The following LMO7 variants were observed in gnomAD, a reference collection of about 807,000 sequenced individuals.
The protein encoded by LMO7 is LIM domain 7.
A neutral mutation model predicts 206.5 loss-of-function variants in LMO7; 120 were observed. The ratio of observed to expected loss-of-function variants is 0.58; its 90% CI spans 0.50 to 0.68. The LOEUF is 0.68. LMO7 is among the 30% of genes least tolerant of loss of function. The pLI, the probability that LMO7 is intolerant of heterozygous loss-of-function variation, is 0.00. For missense variants in LMO7, 1,959 were observed against 1,957.9 expected, an observed-to-expected ratio of 1.00 and a Z score of -0.01; for synonymous variants, 706 against 681.5, an observed-to-expected ratio of 1.04 and a Z score of -0.56.
intron 1 of LMO7, among the ~76,000 whole-genome samples, chr13:75,639,024 T>C: frequency 6.6e-6 from 1 of 152,196 alleles, no homozygotes; most frequent in East Asian, 1.9e-4. Context: ...TAATATATGT[T>C]CTATCTGTAT....
Position 75,834,340 on chromosome 13 carries a change from A to G in LMO7, c.3179A>G (p.Gln1060Arg). ...TGGGAGGAAGCCATGGCTAAGGCTC[A>G]AGAAACTGGACACCTAGTGATGGAT... ...KEWEEAMAKA[Q>R]ETGHLVMDVR... The change falls in exon 17 of 31, where the codon CAA (glutamine) becomes CGA (arginine). Residue 1060 changes from glutamine (Q) to arginine (R), a missense_variant. Transcript: ENST00000377534. 1 of 1,610,368 alleles carries G rather than the reference A, an allele frequency of 6.2e-7. No homozygotes were observed. Among genetic ancestry groups the G allele is most frequent in the Non-Finnish European group, 8.5e-7 (1 of 1,178,264 alleles).
rs2054618489 is a variant in LMO7, at chr13:75,800,671, A to T, written c.463-13A>T. On this transcript the variant is annotated splice_polypyrimidine_tract_variant and intron_variant, in intron 6 of 30. Transcript: ENST00000377534. ...TATTTAACTTACTATTCTTTAAAAA[A>T]CGTTTTCTTTAGGCACTCGAAGACT... 3 of 1,611,922 alleles carry T rather than the reference A, an allele frequency of 1.9e-6. No homozygotes were observed. The highest frequency in any genetic ancestry group is 1.7e-5 in the Admixed American group (1 of 59,848).
At chr13:75,825,319 G>A (rs527290916) in intron 15 of LMO7, among the ~76,000 whole-genome samples, 1 of 152,102 alleles carries the variant, frequency 6.6e-6, no homozygotes, top group Non-Finnish European at 1.5e-5. Flanking sequence ...TTGCATGTTT[G>A]CCTTTACCTT....
At chr13:75,632,268 T>G (rs1209221623), upstream of LMO7, 1 of 152,200 alleles carries the variant, frequency 6.6e-6, no homozygotes, top group African/African-American at 2.4e-5. Context: ...TATTTGGGTC[T>G]TCTGAGTTGC....
At chr13:75,831,369 T>C (rs958636441) in intron 15 of LMO7, among the ~76,000 whole-genome samples, 2 of 152,186 alleles carry the variant, frequency 1.3e-5, no homozygotes, top group African/African-American at 2.4e-5. Flanking sequence ...GTCAAACAAT[T>C]GAATGAGTGA....
chr13:75,652,823 T>C (rs547120063), intron 1 of LMO7, among the ~76,000 whole-genome samples: 52 of 152,242 alleles, frequency 3.4e-4, no homozygotes, highest in African/African-American at 1.0e-3. Flanking sequence ...ATATAAATCA[T>C]AAATCCACAG....
intron 1 of LMO7, among the ~76,000 whole-genome samples, chr13:75,711,314 A>C (rs748906542): frequency 3.3e-5 from 5 of 152,200 alleles, no homozygotes; most frequent in Non-Finnish European, 5.9e-5. Flanking sequence ...CTGGCCTCAT[A>C]AAATGAGTTA....
At chr13:75,828,290 A>T (rs1313111451) in intron 15 of LMO7, among the ~76,000 whole-genome samples, 2 of 152,196 alleles carry the variant, frequency 1.3e-5, no homozygotes, top group Non-Finnish European at 2.9e-5. Context: ...CGTTTTTACC[A>T]ATGAAGTACT....
chr13:75,677,431 T>A (rs991931025), intron 1 of LMO7, among the ~76,000 whole-genome samples: 7 of 152,218 alleles, frequency 4.6e-5, no homozygotes, highest in Non-Finnish European at 8.8e-5. Context: ...GAGTACCTAC[T>A]GGCTAAAAAA....
Position 75,808,642 on chromosome 13 carries a change from G to A in LMO7, c.1916+443G>A, listed in dbSNP as rs2055883980. ...CAAATTTCATTTAACTTAATTTTTG[G>A]TTTTGGCCTAGGTTTCTTGGACTAT... On this transcript the variant is annotated intron_variant, in intron 10 of 30. Transcript: ENST00000377534. Among the ~76,000 whole-genome samples the A allele has an allele frequency of 2.6e-5, 4 of 152,110 alleles. No individual in the cohort carries two copies. In the South Asian group the frequency reaches 8.3e-4, roughly 32 times the overall value.
intron 15 of LMO7, among the ~76,000 whole-genome samples, chr13:75,829,956 G>C (rs183695301): frequency 1.0e-3 from 154 of 152,154 alleles, no homozygotes; most frequent in Non-Finnish European, 1.5e-4. Flanking sequence ...CAACTGCCTT[G>C]TCTTTTTCTG....
At chr13:75,808,971 C>A (rs1230812775) in intron 10 of LMO7, among the ~76,000 whole-genome samples, 183 bp from the exon 11 acceptor site, 1 of 152,056 alleles carries the variant, frequency 6.6e-6, no homozygotes, top group East Asian at 1.9e-4. Context: ...TTTGCTTAAT[C>A]TGAATTTCCT....
intron 20 of LMO7, 68 bp from the exon 21 acceptor site, chr13:75,840,017 G>A: frequency 2.7e-6 from 4 of 1,468,100 alleles, no homozygotes; most frequent in Non-Finnish European, 3.8e-6. Context: ...TTTCTGAAAG[G>A]AATTATTTCA....
upstream of LMO7, chr13:75,636,232 G>C (rs2035820753): frequency 2.1e-6 from 2 of 956,220 alleles, no homozygotes; most frequent in Admixed American, 1.2e-4. Flanking sequence ...AGGGGCAGAC[G>C]GAAGCGGCGA....
At chr13:75,663,235 C>G (rs1278396577) in intron 1 of LMO7, among the ~76,000 whole-genome samples, 1 of 150,052 alleles carries the variant, frequency 6.7e-6, no homozygotes, top group Non-Finnish European at 1.5e-5. Context: ...GTCTTTTTTT[C>G]TTGAAATTCA....
intron 8 of LMO7, chr13:75,805,165 T>C: frequency 8.6e-7 from 1 of 1,162,060 alleles, no homozygotes; most frequent in Non-Finnish European, 1.1e-6. Flanking sequence ...GAAATACTTG[T>C]CCTGGATCTG....
chr13:75,837,603 A>G (rs2059233291), intron 19 of LMO7, among the ~76,000 whole-genome samples: 1 of 152,166 alleles, frequency 6.6e-6, no homozygotes, highest in Non-Finnish European at 1.5e-5. Context: ...AGTAGTAGCT[A>G]CCAGATCTTG....
intron 2 of LMO7, among the ~76,000 whole-genome samples, chr13:75,722,829 A>G (rs952776097): frequency 6.6e-6 from 1 of 152,234 alleles, no homozygotes. Flanking sequence ...ACCATGGAAT[A>G]CTACTCAGCC....
rs1566550286 is a variant in LMO7 at position 75,823,609 on chromosome 13, G to A, written c.2685G>A (p.Lys895=). The part of the protein sequence containing the change: ...WKYNGDVEDI[K]RTPNNVVSTP... ...ATAATGGAGATGTTGAAGACATTAA[G>A]AGAACTCCAAACAATGTGGTCAGCA... The change falls in exon 15 of 31, where the codon AAG becomes AAA. Residue 895 remains lysine, a synonymous_variant. Transcript: ENST00000377534. The A allele has an allele frequency of 1.2e-6, 2 of 1,614,064 alleles. No individual in the cohort carries two copies. The highest frequency in any genetic ancestry group is 1.7e-6 in the Non-Finnish European group (2 of 1,179,938).
Sources: gnomAD v4.1 joint callset for allele counts (sites outside exome capture counted in the v4.1 genomes callset) on GRCh38, gnomAD v4.1.1 for gene constraint, MANE v1.5 for transcripts, NCBI Gene and HGNC (gene_info 2026-07-23, HGNC 2026-07-21) for gene names.